XIRP2: variants seen among roughly 807,000 people sequenced by gnomAD.
XIRP2 encodes the protein xin actin-binding repeat-containing protein 2.
In XIRP2, 236 loss-of-function variants were observed where a neutral mutation model predicts 277.0. The ratio of observed to expected loss-of-function variants is 0.85; its 90% CI spans 0.77 to 0.95. The LOEUF is 0.95. Ranked by LOEUF, XIRP2 falls within the 40% of genes least tolerant of loss-of-function variation. The pLI is 0.00. For missense variants in XIRP2, 4,640 were observed against 4,157.5 expected (o/e 1.12, Z -3.19); for synonymous variants, 1,490 against 1,416.5 (o/e 1.05, Z -1.17).
intron 1 of XIRP2, among the ~76,000 whole-genome samples, chr2:166,895,568 T>A (rs547318544): frequency 6.6e-6 from 1 of 151,656 alleles, no homozygotes; most frequent in Non-Finnish European, 1.5e-5. Flanking sequence ...GGGGATGCCA[T>A]GTCCTGTTGG....
chr2:167,258,972 G>A lies in XIRP2; in HGVS notation c.*1155G>A, dbSNP rs774192053. The A allele has an allele frequency of 3.7e-6, 6 of 1,612,206 alleles. No homozygotes were observed. In the East Asian group the frequency reaches 6.7e-5, roughly 18 times the overall value. ...CTCAGCAGAGGCCTTATGGTAAAGG[G>A]GGGAAGTTCAATCATCTCTCCTGAT... is the stretch of plus-strand genomic sequence containing the variant. On this transcript the variant is annotated 3_prime_UTR_variant, in exon 11 of 11. Coordinates refer to ENST00000409195, the MANE Select transcript of XIRP2 (RefSeq NM_152381.6).
Position 167,243,770 on chromosome 2 carries a change from G to A in XIRP2, c.2378G>A (p.Arg793Gln), listed in dbSNP as rs201184820. The A allele has an allele frequency of 8.2e-5, 133 of 1,614,048 alleles. No individual in the cohort carries two copies. The highest frequency in any genetic ancestry group is 7.4e-4 in the East Asian group (33 of 44,858). ...GATATCACAGAAATTAAAGTTGTCC[G>A]AGGAATATCCATGGAAGAAAATGTC... ...NKDITEIKVV[R>Q]GISMEENVKG... The change falls in exon 9 of 11, where the codon CGA becomes CAA. Residue 793 changes from arginine (R) to glutamine (Q), a missense_variant. By Grantham distance (43) the Arg-to-Gln change is conservative (BLOSUM62 1). Transcript: ENST00000409195.
Position 167,249,231 on chromosome 2 carries a change from C to A in XIRP2, c.7839C>A (p.Gly2613=). The A allele has an allele frequency of 6.2e-7, 1 of 1,613,672 alleles. No individual in the cohort carries two copies. The highest frequency in any genetic ancestry group is 8.5e-7 in the Non-Finnish European group (1 of 1,179,762). The change falls in exon 9 of 11, where the codon GGC becomes GGA. Residue 2613 remains glycine (G), a synonymous_variant. Coordinates refer to ENST00000409195, the MANE Select transcript of XIRP2 (RefSeq NM_152381.6). Reference sequence around the variant, plus strand: ...GCACTGTGGTTCAACCCAGCCCAGGCTCTCAAAGTAATGCTCGGATACTAG... The same window carrying A: ...GCACTGTGGTTCAACCCAGCCCAGGATCTCAAAGTAATGCTCGGATACTAG... ...SECTVVQPSP[G]SQSNARILGV... is the part of the protein sequence containing the mutation.
At chr2:166,925,019 C>G (rs1685145525) in intron 2 of XIRP2, among the ~76,000 whole-genome samples, 1 of 151,872 alleles carries the variant, frequency 6.6e-6, no homozygotes, top group Admixed American at 6.6e-5. Context: ...CTTTCTTACC[C>G]CTGAATACCT....
Position 167,128,434 on chromosome 2 carries a change from G to A in XIRP2, c.409-7475G>A, listed in dbSNP as rs574904929. 2.0e-4 allele frequency among the ~76,000 whole-genome samples: 31 copies of A among 152,094 alleles called. No individual in the cohort carries two copies. The East Asian group carries it at 4.5e-3, about 22-fold the overall frequency. The stretch of plus-strand genomic sequence containing the variant: ...TCCGTATCTGCAACAAACCATGCAC[G>A]GGAAATACAGTGTTGGCGAGCTGGG... On this transcript the variant is annotated intron_variant, in intron 2 of 10. Coordinates refer to ENST00000409195, the MANE Select transcript of XIRP2 (RefSeq NM_152381.6).
At chr2:167,180,253 T>G (rs1298920744) in intron 3 of XIRP2, among the ~76,000 whole-genome samples, 2 of 152,214 alleles carry the variant, frequency 1.3e-5, no homozygotes, top group African/African-American at 4.8e-5. Context: ...CCTCAAAAAC[T>G]TTTTCTTTCC....
intron 2 of XIRP2, among the ~76,000 whole-genome samples, chr2:167,014,512 G>A (rs1267456742): frequency 2.0e-5 from 3 of 151,644 alleles, no homozygotes; most frequent in African/African-American, 7.2e-5. Flanking sequence ...AAATGACTGT[G>A]GGATAAAATT....
chr2:166,935,857 G>A (rs1015189469), intron 2 of XIRP2, among the ~76,000 whole-genome samples: 1 of 152,162 alleles, frequency 6.6e-6, no homozygotes, highest in Non-Finnish European at 1.5e-5. Context: ...GTTGTGAATA[G>A]TGCCGCAATA....
chr2:167,131,271 T>G (rs1574281964), intron 2 of XIRP2, among the ~76,000 whole-genome samples: 1 of 152,186 alleles, frequency 6.6e-6, no homozygotes, highest in African/African-American at 2.4e-5. Context: ...TCTCAGGAAT[T>G]TTCCTTCACT....
rs758885969 is a variant in XIRP2, at chr2:167,249,865, C to T, written c.8473C>T (p.Pro2825Ser). ...AGGAAGTGAAGAAAAAAATCAGGGACCATCAATGATTGGTCGAAAAGAAGA... is the reference window on the plus strand; with the variant it reads ...AGGAAGTGAAGAAAAAAATCAGGGATCATCAATGATTGGTCGAAAAGAAGA... The part of the protein sequence containing the change: ...LPGSEEKNQG[P>S]SMIGRKEERL... Residue 2825 changes from proline (P) to serine (S), a missense_variant, in exon 9 of 11, where the codon CCA becomes TCA. Transcript: ENST00000409195. 6.2e-7 allele frequency: 1 copy of T among 1,613,440 alleles called. No homozygotes were observed. Among genetic ancestry groups the T allele is most frequent in the Middle Eastern group, 1.7e-4 (1 of 6,060 alleles).
intron 2 of XIRP2, among the ~76,000 whole-genome samples, chr2:167,033,098 G>A (rs1255752045): frequency 2.6e-5 from 4 of 151,944 alleles, no homozygotes; most frequent in African/African-American, 9.7e-5. Flanking sequence ...TATACACGAT[G>A]GAATACTATC....
At chr2:167,019,142 C>T (rs1328129220) in intron 2 of XIRP2, among the ~76,000 whole-genome samples, 2 of 151,936 alleles carry the variant, frequency 1.3e-5, no homozygotes, top group African/African-American at 2.4e-5. Context: ...TGAAATTTCT[C>T]TGTGAATATG....
intron 2 of XIRP2, among the ~76,000 whole-genome samples, chr2:167,104,346 C>T (rs774452718): frequency 9.2e-5 from 14 of 152,000 alleles, no homozygotes; most frequent in Non-Finnish European, 1.8e-4. Context: ...TATAAGTCCC[C>T]CTTAGTACTT....
intron 3 of XIRP2, among the ~76,000 whole-genome samples, chr2:167,156,193 A>T (rs1040132201): frequency 1.3e-5 from 2 of 152,094 alleles, no homozygotes; most frequent in African/African-American, 4.8e-5. Flanking sequence ...TATAGATTCG[A>T]TGCCATCCCC....
chr2:167,190,034 T>C (rs1693281205), intron 3 of XIRP2, among the ~76,000 whole-genome samples: 1 of 152,198 alleles, frequency 6.6e-6, no homozygotes, highest in African/African-American at 2.4e-5. Context: ...TCGTATATTA[T>C]AGAGGCTATA....
intron 2 of XIRP2, among the ~76,000 whole-genome samples, chr2:167,031,057 T>C (rs1042953905): frequency 4.0e-5 from 6 of 151,778 alleles, no homozygotes; most frequent in African/African-American, 1.5e-4. Flanking sequence ...GTAAATCTTC[T>C]TCCATCCCTT....
chr2:167,025,910 G>A lies in XIRP2; in HGVS notation c.409-109999G>A, dbSNP rs529630300. ...AATTTTGGAATAGGTGTGGTGTGGTGCTGAAAAAAATGTATATTCTGTTGA... is the reference window on the plus strand; with the variant it reads ...AATTTTGGAATAGGTGTGGTGTGGTACTGAAAAAAATGTATATTCTGTTGA... On this transcript the variant is annotated intron_variant, in intron 2 of 10. Transcript: ENST00000409195. Among the ~76,000 whole-genome samples the A allele has an allele frequency of 6.0e-3, 906 of 152,126 alleles. 17 individuals carry two copies. The highest frequency in any genetic ancestry group is 0.021 in the African/African-American group (882 of 41,518).
intron 2 of XIRP2, among the ~76,000 whole-genome samples, chr2:167,072,657 C>A (rs915640454): frequency 9.2e-5 from 14 of 152,160 alleles, no homozygotes; most frequent in African/African-American, 3.4e-4. Flanking sequence ...AAATCAAAAG[C>A]TTCCCTTAGA....
chr2:167,168,070 G>A (rs1157359481), intron 3 of XIRP2, among the ~76,000 whole-genome samples: 1 of 152,094 alleles, frequency 6.6e-6, no homozygotes, highest in Non-Finnish European at 1.5e-5. Flanking sequence ...TGCTTGCAGG[G>A]TTTCTGATGA....
Sources: gnomAD v4.1 joint callset for allele counts (sites outside exome capture counted in the v4.1 genomes callset) on GRCh38, gnomAD v4.1.1 for gene constraint, MANE v1.5 for transcripts, NCBI Gene and HGNC (gene_info 2026-07-23, HGNC 2026-07-21) for gene names.